The following LOXL2 variants were observed in gnomAD, a reference collection of about 807,000 sequenced individuals.
The protein encoded by LOXL2 is lysyl oxidase homolog 2.
LOXL2 carries 70 observed loss-of-function variants against 93.0 expected under a neutral mutation model. That is an observed-to-expected ratio of 0.75 (90% CI 0.62 to 0.92). The LOEUF (loss-of-function observed/expected upper bound fraction) is 0.92, where lower values mean the gene tolerates loss of function less well. LOXL2 is among the 40% of genes least tolerant of loss of function. The pLI is 0.00. For synonymous variants in LOXL2, 438 were observed against 413.2 expected, an observed-to-expected ratio of 1.06 and a Z score of -0.73; for missense variants, 973 against 1,054.9, an observed-to-expected ratio of 0.92 and a Z score of 1.08.
chr8:23,310,339 G>A (rs1484128756), intron 9 of LOXL2, among the ~76,000 whole-genome samples: 1 of 152,204 alleles, frequency 6.6e-6, no homozygotes, highest in Non-Finnish European at 1.5e-5. Flanking sequence ...GCTACCCAGA[G>A]AGAAAGAACA....
chr8:23,297,273 C>T lies in LOXL2; in HGVS notation c.*770G>A, dbSNP rs1803046309. ...AGTGAGCGCCCTGTCACCCAGGACC[C>T]TGGTTATAGCACCGTTGAATCAAAA... On this transcript the variant is annotated 3_prime_UTR_variant, in exon 14 of 14. Transcript: ENST00000389131. 6.6e-6 allele frequency: 1 copy of T among 152,208 alleles called. No homozygotes were observed. The highest frequency in any genetic ancestry group is 2.4e-5 in the African/African-American group (1 of 41,426). 9.4% of individuals were successfully genotyped at this position (152,208 alleles called of 1,614,324 possible). A position where few individuals can be genotyped will look rare whatever the true frequency, so the allele number is the denominator to read the frequency against.
In LOXL2 at chr8:23,309,797, G is replaced by T; in HGVS notation, c.1751C>A (p.Ala584Asp). Residue 584 changes from alanine (A) to aspartate (D), a missense_variant, in exon 10 of 14, where the codon GCC (alanine) becomes GAC (aspartate). Ala to Asp is a moderately radical substitution (Grantham distance 126). Coordinates refer to ENST00000389131, the MANE Select transcript of LOXL2 (RefSeq NM_002318.3). ...GCCCGTGGTGGGGTCGGTCTGCGCG[G>T]CTGAGGCCGAGAGGCAGTTCTCCTC... ...AMEENCLSAS[A>D]AQTDPTTGYR... 1 of 1,604,120 alleles carries T rather than the reference G, an allele frequency of 6.2e-7. No homozygotes were observed. The highest frequency in any genetic ancestry group is 8.5e-7 in the Non-Finnish European group (1 of 1,175,604).
chr8:23,368,046 G>A lies in LOXL2; in HGVS notation c.306C>T (p.Tyr102=), dbSNP rs1063577. ...AAHVVCRELG[Y]VEAKSWTASS... ...TGGCAGTCCAGGACTTGGCCTCCAC[G>A]TAGCCCAGCTCCCGGCAGACGACGT... Residue 102 remains tyrosine, a synonymous_variant, in exon 2 of 14, where the codon TAC becomes TAT. Coordinates refer to ENST00000389131, the MANE Select transcript of LOXL2 (RefSeq NM_002318.3). 0.17 allele frequency: 279,339 copies of A among 1,613,724 alleles called. 25,928 individuals are homozygous for A. The highest frequency in any genetic ancestry group is 0.19 in the Non-Finnish European group (224,847 of 1,179,920).
chr8:23,308,984 A>ATT (rs1486074011), intron 10 of LOXL2, among the ~76,000 whole-genome samples: 1 of 141,610 alleles, frequency 7.1e-6, no homozygotes, highest in Non-Finnish European at 1.5e-5. Context: ...ATATATATAT[A>ATT]TATATATTTT....
intron 6 of LOXL2, among the ~76,000 whole-genome samples, chr8:23,323,583 T>TA: frequency 6.6e-6 from 1 of 151,336 alleles, no homozygotes; most frequent in Middle Eastern, 3.4e-3. Context: ...GAGATTGAAT[T>TA]CAGCTTGAGG....
intron 6 of LOXL2, among the ~76,000 whole-genome samples, chr8:23,324,440 C>T (rs902543152): frequency 2.6e-5 from 4 of 152,118 alleles, no homozygotes; most frequent in South Asian, 4.1e-4. Flanking sequence ...CACTGAGTTC[C>T]GTGGGGGGTT....
intron 1 of LOXL2, among the ~76,000 whole-genome samples, chr8:23,378,229 G>A (rs1263994211): frequency 6.6e-6 from 1 of 152,146 alleles, no homozygotes; most frequent in East Asian, 1.9e-4. Flanking sequence ...GAAATTCTGG[G>A]TTGAAAATTC....
At chr8:23,347,451 A>C (rs1804011293) in intron 3 of LOXL2, among the ~76,000 whole-genome samples, 1 of 152,112 alleles carries the variant, frequency 6.6e-6, no homozygotes, top group African/African-American at 2.4e-5. Flanking sequence ...TGAGCTCAGG[A>C]GTTCGAGACC....
intron 1 of LOXL2, among the ~76,000 whole-genome samples, chr8:23,378,480 T>C (rs184737413): frequency 3.9e-5 from 6 of 152,342 alleles, no homozygotes; most frequent in Admixed American, 2.6e-4. Context: ...AATTTGAACG[T>C]TGGCCTGCCC....
At chr8:23,389,154 G>A (rs953963033) in intron 1 of LOXL2, among the ~76,000 whole-genome samples, 1 of 152,126 alleles carries the variant, frequency 6.6e-6, no homozygotes, top group Non-Finnish European at 1.5e-5. Flanking sequence ...ACCCAGCAGA[G>A]CTAACAGAGG....
chr8:23,332,678 CACACTCATACA>C (rs1803717114), intron 5 of LOXL2, among the ~76,000 whole-genome samples: 2 of 19,998 alleles, frequency 1.0e-4, no homozygotes, highest in African/African-American at 5.3e-4. Context: ...CACTCATACA[CACACTCATACA>C]CCCCCCACAC....
chr8:23,366,125 A>G (rs1274499664), intron 2 of LOXL2: 2 of 152,200 alleles, frequency 1.3e-5, no homozygotes, highest in Non-Finnish European at 2.9e-5. Flanking sequence ...CTGGAAAAAT[A>G]CCCAGTCACT....
At chr8:23,354,241 T>C (rs1244251383) in intron 3 of LOXL2, among the ~76,000 whole-genome samples, 1 of 152,054 alleles carries the variant, frequency 6.6e-6, no homozygotes, top group African/African-American at 2.4e-5. Context: ...CTGTCCCCAA[T>C]CTCCAGGGGT....
At chr8:23,348,395 TA>T (rs1198104329) in intron 3 of LOXL2, among the ~76,000 whole-genome samples, 2 of 151,432 alleles carry the variant, frequency 1.3e-5, no homozygotes, top group Non-Finnish European at 2.9e-5. Flanking sequence ...CCCTAGAACT[TA>T]AAGTATAATA....
intron 11 of LOXL2, among the ~76,000 whole-genome samples, chr8:23,302,666 T>C (rs1803157080): frequency 6.6e-6 from 1 of 152,238 alleles, no homozygotes; most frequent in East Asian, 1.9e-4. Context: ...GAATAACAAA[T>C]TAAACACGCA....
At chr8:23,343,346 C>G (rs1267365917) in intron 3 of LOXL2, among the ~76,000 whole-genome samples, 1 of 152,214 alleles carries the variant, frequency 6.6e-6, no homozygotes, top group Non-Finnish European at 1.5e-5. Context: ...TACTGCCATC[C>G]CCACCTTACA....
rs546904800 is a variant in LOXL2, at chr8:23,402,930, C to A, written c.-84+1024G>T. On this transcript the variant is annotated intron_variant, in intron 1 of 13. Transcript: ENST00000389131. ...TATTGAGTAGTTCAGCCCCCTCCCT[C>A]GCCGTGTTCTGCGGTGTTCTCTTCC... is the stretch of plus-strand genomic sequence containing the variant. Among the ~76,000 whole-genome samples, 3 of 152,268 alleles carry A rather than the reference C, an allele frequency of 2.0e-5. No homozygotes were observed. In the South Asian group the frequency reaches 6.2e-4, roughly 32 times the overall value.
chr8:23,385,882 A>G (rs1393070849), intron 1 of LOXL2: 4 of 750,156 alleles, frequency 5.3e-6, no homozygotes, highest in Non-Finnish European at 9.8e-6. Context: ...TTCTTTTTGT[A>G]CTAAGTCTTT....
intron 1 of LOXL2, among the ~76,000 whole-genome samples, chr8:23,382,800 A>G (rs929513080): frequency 6.6e-6 from 1 of 151,014 alleles, no homozygotes; most frequent in Non-Finnish European, 1.5e-5. Context: ...TGCTGCTAGA[A>G]CTCCGTAATG....
Sources: allele counts gnomAD v4.1 joint callset (sites outside exome capture counted in the v4.1 genomes callset), GRCh38; gene constraint gnomAD v4.1.1; transcripts MANE v1.5; gene names NCBI Gene and HGNC (gene_info 2026-07-23, HGNC 2026-07-21).